Variants in DISC1 observed in about 807,000 individuals in gnomAD.
The protein encoded by DISC1 is DISC1 scaffold protein.
DISC1 carries 57 observed loss-of-function variants against 84.5 expected under a neutral mutation model. That is an observed-to-expected ratio of 0.67 (90% CI 0.55 to 0.84). DISC1 has a LOEUF of 0.84. Ranked by LOEUF, DISC1 falls within the 40% of genes least tolerant of loss-of-function variation. The pLI, the probability that DISC1 is intolerant of heterozygous loss-of-function variation, is 0.00. For synonymous variants in DISC1, 411 were observed against 415.2 expected, an observed-to-expected ratio of 0.99 and a Z score of 0.12; for missense variants, 1,000 against 1,057.8, an observed-to-expected ratio of 0.95 and a Z score of 0.76.
chr1:231,722,606 A>G (rs768491615), intron 3 of DISC1: 2 of 1,614,062 alleles, frequency 1.2e-6, no homozygotes, highest in East Asian at 4.5e-5. Flanking sequence ...TATTAATGAA[A>G]CTTCCCAAAT....
intron 3 of DISC1, among the ~76,000 whole-genome samples, chr1:231,725,203 T>G (rs1434177080): frequency 1.3e-5 from 2 of 152,146 alleles, no homozygotes; most frequent in African/African-American, 4.8e-5. Flanking sequence ...GCTCTAGTGA[T>G]TCTCATGTTC....
intron 1 of DISC1, among the ~76,000 whole-genome samples, chr1:231,686,583 TC>T (rs1337494088): frequency 1.3e-5 from 2 of 152,138 alleles, no homozygotes; most frequent in Admixed American, 6.5e-5. Flanking sequence ...AACCTTTTTT[TC>T]CTCCTGGGCC....
At position 231,897,437 on chromosome 1, in the gene DISC1, G is replaced by A. The variant is rs796181180; in HGVS notation, c.1982-61391G>A. On this transcript the variant is annotated intron_variant, in intron 9 of 12. Transcript: ENST00000439617. This position sits in a 1 kb window ranked among gnomAD's most constrained non-coding sequence, Gnocchi z 4.5. Reference sequence around the variant, plus strand: ...CCCCTGATGAATTGACCGGTCCAGAGAGCATTTCAGTTATCATTTATGGAA... The same window carrying A: ...CCCCTGATGAATTGACCGGTCCAGAAAGCATTTCAGTTATCATTTATGGAA... Among the ~76,000 whole-genome samples the A allele has an allele frequency of 7.2e-5, 11 of 152,266 alleles. No homozygotes were observed. Among genetic ancestry groups the A allele is most frequent in the African/African-American group, 2.4e-4 (10 of 41,542 alleles).
intron 9 of DISC1, among the ~76,000 whole-genome samples, chr1:231,853,631 T>C (rs2084056371): frequency 6.6e-6 from 1 of 152,186 alleles, no homozygotes; most frequent in African/African-American, 2.4e-5. Flanking sequence ...GAGGGTGGAA[T>C]GGGAACAGGT....
At chr1:231,743,409 G>A (rs906785785) in intron 3 of DISC1, among the ~76,000 whole-genome samples, 1 of 152,134 alleles carries the variant, frequency 6.6e-6, no homozygotes. Context: ...GCAGAGGTGG[G>A]GAAGACTCAG....
intron 12 of DISC1, among the ~76,000 whole-genome samples, chr1:232,029,644 C>T (rs1254237359): frequency 6.6e-6 from 1 of 152,212 alleles, no homozygotes; most frequent in Non-Finnish European, 1.5e-5. Flanking sequence ...GTGAGGTACC[C>T]AATTAATCTA....
At chr1:231,665,728 T>G (rs1011045009) in intron 1 of DISC1, among the ~76,000 whole-genome samples, 2 of 152,230 alleles carry the variant, frequency 1.3e-5, no homozygotes, top group Admixed American at 6.5e-5. Flanking sequence ...TTTTGGAGAT[T>G]CAAAAGTTAC....
chr1:232,036,854 A>C lies in DISC1; in HGVS notation c.*23A>C. ...TGAGGAGTGACGGGATGGGGGAGGG[A>C]GGTGGGCCACCATGTTTGGACCCGG... On this transcript the variant is annotated 3_prime_UTR_variant, in exon 13 of 13. Coordinates refer to ENST00000439617, the MANE Select transcript of DISC1 (RefSeq NM_018662.3). 4 of 1,011,218 alleles carry C rather than the reference A, an allele frequency of 4.0e-6. No individual in the cohort carries two copies. The highest frequency in any genetic ancestry group is 5.5e-6 in the Non-Finnish European group (4 of 727,578). 62.6% of individuals were successfully genotyped at this position (1,011,218 alleles called of 1,614,324 possible).
intron 3 of DISC1, among the ~76,000 whole-genome samples, chr1:231,747,684 G>A (rs1188045807): frequency 2.0e-5 from 3 of 152,124 alleles, no homozygotes; most frequent in African/African-American, 7.2e-5. Context: ...ATATTTTGAG[G>A]TCTGGTAGTG....
intron 2 of DISC1, among the ~76,000 whole-genome samples, chr1:231,699,516 C>G (rs549846441): frequency 1.3e-5 from 2 of 152,164 alleles, no homozygotes; most frequent in Non-Finnish European, 2.9e-5. Context: ...ATTAGCAAAT[C>G]CTGTTGGCTC....
intron 9 of DISC1, among the ~76,000 whole-genome samples, chr1:231,903,134 T>C (rs1403717887): frequency 1.3e-5 from 2 of 151,392 alleles, no homozygotes; most frequent in Non-Finnish European, 2.9e-5. Context: ...CAATCATAGC[T>C]CACTGTAGCC....
chr1:231,648,868 G>C (rs1572487095), intron 1 of DISC1, among the ~76,000 whole-genome samples: 1 of 152,294 alleles, frequency 6.6e-6, no homozygotes, highest in East Asian at 1.9e-4. Flanking sequence ...AGCATTCTCT[G>C]ATAGTAGTTT....
rs566922160 is a variant in DISC1 at position 231,788,957 on chromosome 1, T to C, written c.1635-6285T>C. Among the ~76,000 whole-genome samples, 59 of 147,422 alleles carry C rather than the reference T, an allele frequency of 4.0e-4. No individual in the cohort carries two copies. In the South Asian group the frequency reaches 4.0e-3, roughly 10 times the overall value. On this transcript the variant is annotated intron_variant, in intron 6 of 12. Transcript: ENST00000439617. ...GTATTGTTCATTAATCAAATACTGATTAGGTACACACTGTGTACCAAACAC... is the reference window on the plus strand; with the variant it reads ...GTATTGTTCATTAATCAAATACTGACTAGGTACACACTGTGTACCAAACAC...
chr1:231,676,550 T>A (rs1404395937), intron 1 of DISC1, among the ~76,000 whole-genome samples: 2 of 152,234 alleles, frequency 1.3e-5, no homozygotes, highest in Non-Finnish European at 2.9e-5. Context: ...AATACTATTG[T>A]CTTTTCCCCA....
intron 1 of DISC1, among the ~76,000 whole-genome samples, chr1:231,665,950 A>C (rs2125412019): frequency 6.6e-6 from 1 of 152,230 alleles, no homozygotes; most frequent in East Asian, 1.9e-4. Context: ...TCACCCTCTG[A>C]GGGTGTGGAA....
chr1:231,774,460 G>A (rs540682332), intron 6 of DISC1, among the ~76,000 whole-genome samples: 24 of 152,288 alleles, frequency 1.6e-4, no homozygotes, highest in African/African-American at 5.5e-4. Context: ...CTGGAGTTTT[G>A]TGTGGCTGGA....
intron 9 of DISC1, among the ~76,000 whole-genome samples, chr1:231,836,025 A>G (rs150199355): frequency 6.6e-6 from 1 of 152,264 alleles, no homozygotes; most frequent in African/African-American, 2.4e-5. Context: ...ACCTTAATAA[A>G]CCAGTTTCAC....
chr1:231,976,312 AC>A (rs1662789315), intron 10 of DISC1, among the ~76,000 whole-genome samples: 1 of 152,064 alleles, frequency 6.6e-6, no homozygotes, highest in African/African-American at 2.4e-5. Context: ...CGTGAATCTC[AC>A]TTTAAGCCCC....
At chr1:231,831,379 T>C (rs185788354) in intron 9 of DISC1, among the ~76,000 whole-genome samples, 1 of 152,312 alleles carries the variant, frequency 6.6e-6, no homozygotes, top group Admixed American at 6.5e-5. Flanking sequence ...CAGAATAGAA[T>C]GGGACTGTGA....
Sources: allele counts gnomAD v4.1 joint callset (sites outside exome capture counted in the v4.1 genomes callset), GRCh38; gene constraint gnomAD v4.1.1; non-coding constraint Gnocchi (gnomAD v3.1); transcripts MANE v1.5; gene names NCBI Gene and HGNC (gene_info 2026-07-23, HGNC 2026-07-21).